The following PTPN14 variants were observed in gnomAD, a reference collection of about 807,000 sequenced individuals.
PTPN14 encodes the protein protein tyrosine phosphatase non-receptor type 14.
A neutral mutation model predicts 126.8 loss-of-function variants in PTPN14; 53 were observed. The ratio of observed to expected loss-of-function variants is 0.42; its 90% CI spans 0.34 to 0.53. The LOEUF (loss-of-function observed/expected upper bound fraction) is 0.53. PTPN14 is among the 20% of genes least tolerant of loss of function. PTPN14 has a pLI of 0.08. For synonymous variants in PTPN14, 630 were observed against 599.3 expected (o/e 1.05, Z -0.75); for missense variants, 1,257 against 1,552.9 (o/e 0.81, Z 3.20).
chr1:214,477,326 G>A (rs1007907717), intron 1 of PTPN14, among the ~76,000 whole-genome samples: 3 of 152,154 alleles, frequency 2.0e-5, no homozygotes, highest in East Asian at 3.8e-4. Context: ...AGACATGGTC[G>A]TGCTGCTCAT....
chr1:214,517,898 T>C lies in PTPN14; in HGVS notation c.-155+33285A>G, dbSNP rs192613954. On this transcript the variant is annotated intron_variant, in intron 1 of 18. Coordinates refer to ENST00000366956, the MANE Select transcript of PTPN14 (RefSeq NM_005401.5). ...AGGCAAGGGTTGCAGTGAGCCAAGATTGTGCCACTGCACTCCAGCCTGGGT... is the reference window on the plus strand; with the variant it reads ...AGGCAAGGGTTGCAGTGAGCCAAGACTGTGCCACTGCACTCCAGCCTGGGT... Among the ~76,000 whole-genome samples the C allele has an allele frequency of 1.2e-3, 185 of 152,258 alleles. 2 individuals are homozygous for C. The highest frequency in any genetic ancestry group is 6.8e-3 in the Middle Eastern group (2 of 294).
intron 1 of PTPN14, chr1:214,532,286 C>T: frequency 2.1e-6 from 1 of 479,342 alleles, no homozygotes; most frequent in Non-Finnish European, 3.9e-6. Context: ...TGGCCAGAGC[C>T]TATGCACGTG....
At chr1:214,484,454 G>C (rs573652336) in intron 1 of PTPN14, among the ~76,000 whole-genome samples, 2 of 152,250 alleles carry the variant, frequency 1.3e-5, no homozygotes, top group Admixed American at 1.3e-4. Context: ...TTAGAAGTTA[G>C]GAGATGGCTG....
intron 1 of PTPN14, among the ~76,000 whole-genome samples, chr1:214,496,726 A>T (rs1235997849): frequency 6.6e-6 from 1 of 152,194 alleles, no homozygotes; most frequent in Non-Finnish European, 1.5e-5. Flanking sequence ...GTCCTAAAGA[A>T]CAATTTATCC....
At chr1:214,451,720 T>G in intron 3 of PTPN14, 85 bp downstream of exon 3, 9 of 1,494,256 alleles carry the variant, frequency 6.0e-6, no homozygotes, top group Non-Finnish European at 7.3e-6. Context: ...CACACACCCC[T>G]AAATCTACCA....
chr1:214,524,006 C>A (rs752522904), intron 1 of PTPN14, among the ~76,000 whole-genome samples: 1 of 151,954 alleles, frequency 6.6e-6, no homozygotes, highest in African/African-American at 2.4e-5. Flanking sequence ...TGCACCAACA[C>A]GCCTGGCTAA....
chr1:214,505,945 T>C (rs1654832499), intron 1 of PTPN14, among the ~76,000 whole-genome samples: 2 of 152,042 alleles, frequency 1.3e-5, no homozygotes, highest in Non-Finnish European at 2.9e-5. Context: ...TCAGAGCGAA[T>C]AGTCAGTTCA....
intron 9 of PTPN14, among the ~76,000 whole-genome samples, chr1:214,394,442 C>G (rs535897198): frequency 6.6e-6 from 1 of 152,312 alleles, no homozygotes; most frequent in South Asian, 2.1e-4. Context: ...GAGTCTAGCT[C>G]TGTTGTCCAG....
At chr1:214,367,567 C>T (rs923388348) in intron 17 of PTPN14, among the ~76,000 whole-genome samples, 3 of 152,182 alleles carry the variant, frequency 2.0e-5, no homozygotes, top group Admixed American at 6.5e-5. Context: ...CATGATCCAA[C>T]ATCTGGATCA....
At chr1:214,461,885 A>G (rs1660522585) in intron 2 of PTPN14, among the ~76,000 whole-genome samples, 1 of 152,194 alleles carries the variant, frequency 6.6e-6, no homozygotes, top group Admixed American at 6.5e-5. Flanking sequence ...CATCGGCTCT[A>G]TTTGAAAAAT....
intron 4 of PTPN14, among the ~76,000 whole-genome samples, chr1:214,411,992 T>C (rs1659320314): frequency 6.6e-6 from 1 of 152,196 alleles, no homozygotes; most frequent in Non-Finnish European, 1.5e-5. Flanking sequence ...TGAAAACAAT[T>C]CCTAAAGGCC....
chr1:214,454,051 C>T (rs1660329999), intron 2 of PTPN14, among the ~76,000 whole-genome samples: 1 of 152,140 alleles, frequency 6.6e-6, no homozygotes, highest in South Asian at 2.1e-4. Flanking sequence ...CTGTATGGAA[C>T]ACAGGGCTGT....
In PTPN14 at chr1:214,384,813, G is replaced by T; in HGVS notation, c.1067-25C>A. The T allele has an allele frequency of 6.3e-7, 1 of 1,589,046 alleles. No homozygotes were observed. The highest frequency in any genetic ancestry group is 8.6e-7 in the Non-Finnish European group (1 of 1,167,060). ...TCTACAAGAAGTCAAACAAAGGCAC[G>T]TGAACCTCCAAGCCATCCTGCCACA... On this transcript the variant is annotated intron_variant, in intron 12 of 18. Transcript: ENST00000366956. The surrounding 1 kb of genome is among the most constrained non-coding windows in gnomAD (Gnocchi z 5.3).
At chr1:214,426,273 C>T (rs1257509383) in intron 3 of PTPN14, among the ~76,000 whole-genome samples, 1 of 152,042 alleles carries the variant, frequency 6.6e-6, no homozygotes, top group Non-Finnish European at 1.5e-5. Flanking sequence ...TCTTCCTATG[C>T]TGTGATTTCT....
At chr1:214,380,674 T>C (rs958398326) in intron 13 of PTPN14, among the ~76,000 whole-genome samples, 1 of 152,196 alleles carries the variant, frequency 6.6e-6, no homozygotes, top group East Asian at 1.9e-4. Context: ...AAGTTTCTCA[T>C]TGTGTTCTGA....
chr1:214,525,610 CCA>C lies in PTPN14; in HGVS notation c.-155+25571_-155+25572del, dbSNP rs369884442. Among the ~76,000 whole-genome samples the C allele has an allele frequency of 4.7e-3, 720 of 152,292 alleles. 3 individuals are homozygous for C. The highest frequency in any genetic ancestry group is 0.016 in the African/African-American group (681 of 41,548). ...TCTTTCACTCTGACCGCAAATTCAA[CCA>C]CAGAGTTAAAACAAAAAGTTTTCTA... On this transcript the variant is annotated intron_variant, in intron 1 of 18. Transcript: ENST00000366956.
intron 1 of PTPN14, among the ~76,000 whole-genome samples, chr1:214,479,829 A>T (rs1423250874): frequency 6.6e-6 from 1 of 152,146 alleles, no homozygotes; most frequent in Non-Finnish European, 1.5e-5. Flanking sequence ...CAGAAAACTA[A>T]AAGAAAAAAA....
intron 4 of PTPN14, among the ~76,000 whole-genome samples, chr1:214,412,693 T>G (rs1479402179): frequency 1.3e-5 from 2 of 152,174 alleles, no homozygotes; most frequent in Non-Finnish European, 2.9e-5. Context: ...TGAAAAGGAT[T>G]AGTTAGAGAA....
intron 2 of PTPN14, among the ~76,000 whole-genome samples, chr1:214,457,592 A>G (rs1660411264): frequency 6.6e-6 from 1 of 152,198 alleles, no homozygotes; most frequent in Non-Finnish European, 1.5e-5. Context: ...CACTATTACC[A>G]TTAAATGCCC....
Sources: allele counts gnomAD v4.1 joint callset (sites outside exome capture counted in the v4.1 genomes callset), GRCh38; gene constraint gnomAD v4.1.1; non-coding constraint Gnocchi (gnomAD v3.1); transcripts MANE v1.5; gene names NCBI Gene and HGNC (gene_info 2026-07-23, HGNC 2026-07-21).